The following CAPZA1 variants were observed in gnomAD, a reference collection of about 807,000 sequenced individuals.
CAPZA1 encodes the protein capping actin protein of muscle Z-line subunit alpha 1.
CAPZA1 carries 10 observed loss-of-function variants against 40.8 expected under a neutral mutation model. The observed-to-expected ratio is 0.25, with a 90% CI of 0.15 to 0.42. The LOEUF (loss-of-function observed/expected upper bound fraction) is 0.42, where lower values mean the gene tolerates loss of function less well. CAPZA1 is among the 10% of genes least tolerant of loss of function. The pLI is 1.00. For synonymous variants in CAPZA1, 98 were observed against 115.0 expected (o/e 0.85, Z 0.95); for missense variants, 277 against 353.8 (o/e 0.78, Z 1.74).
At chr1:112,643,119 G>C (rs549223421) in intron 1 of CAPZA1, among the ~76,000 whole-genome samples, 2 of 152,238 alleles carry the variant, frequency 1.3e-5, no homozygotes, top group East Asian at 3.9e-4. Flanking sequence ...ATTATTAAAA[G>C]TAGGATTACT....
chr1:112,660,280 C>T (rs965151873), intron 7 of CAPZA1, among the ~76,000 whole-genome samples: 27 of 151,486 alleles, frequency 1.8e-4, no homozygotes, highest in African/African-American at 6.1e-4. Flanking sequence ...GATTGATTGA[C>T]TGATTGATTG....
chr1:112,660,903 C>G lies in CAPZA1; in HGVS notation c.585+1124C>G, dbSNP rs555456544. Among the ~76,000 whole-genome samples, 4 of 142,830 alleles carry G rather than the reference C, an allele frequency of 2.8e-5. No homozygotes were observed. The East Asian group carries it at 8.3e-4, about 29-fold the overall frequency. 93.7% of individuals were successfully genotyped at this position (142,830 alleles called of 152,430 possible). The stretch of plus-strand genomic sequence containing the variant: ...GGAGGAGTCTCGCTCTGTCGCCCAG[C>G]CTGGAGTGCAGTGGTGCAATCTTGG... On this transcript the variant is annotated intron_variant, in intron 7 of 9. Coordinates refer to ENST00000263168, the MANE Select transcript of CAPZA1 (RefSeq NM_006135.3).
At chr1:112,656,923 A>T (rs1157560178) in intron 5 of CAPZA1, among the ~76,000 whole-genome samples, 18 of 142,980 alleles carry the variant, frequency 1.3e-4, no homozygotes, top group African/African-American at 4.5e-4. Flanking sequence ...TTTTTTTGAG[A>T]CAGAGTCTCA....
chr1:112,623,681 CA>C (rs1190278316), intron 1 of CAPZA1, among the ~76,000 whole-genome samples: 606 of 87,740 alleles, frequency 6.9e-3, no homozygotes, highest in African/African-American at 0.018. Context: ...AACTCCGTCT[CA>C]AAAAAAAAAA....
intron 7 of CAPZA1, among the ~76,000 whole-genome samples, chr1:112,665,417 T>C (rs12046466): frequency 0.51 from 77,376 of 151,746 alleles, 20,159 homozygotes; most frequent in South Asian, 0.65. Context: ...TGACCTCAAG[T>C]GATCCGCCCG....
chr1:112,646,561 C>G (rs1208480375), intron 1 of CAPZA1, among the ~76,000 whole-genome samples: 3 of 152,072 alleles, frequency 2.0e-5, no homozygotes, highest in African/African-American at 7.2e-5. Context: ...TGGACAACAG[C>G]CAAGACCCTA....
At chr1:112,660,653 C>T (rs939568833) in intron 7 of CAPZA1, among the ~76,000 whole-genome samples, 11 of 152,070 alleles carry the variant, frequency 7.2e-5, no homozygotes, top group African/African-American at 2.4e-4. Context: ...TCATTTGATG[C>T]CTGTCTGGAT....
rs139693956 is a variant in CAPZA1, at chr1:112,630,383, G to T, written c.39+10500G>T. ...TTTTGTTAGAGAGTCTCACTCTTTC[G>T]CCCAGGCTGGAGTGCAGTGGTGCCA... On this transcript the variant is annotated intron_variant, in intron 1 of 9. Coordinates refer to ENST00000263168, the MANE Select transcript of CAPZA1 (RefSeq NM_006135.3). 5.3e-4 allele frequency among the ~76,000 whole-genome samples: 80 copies of T among 150,986 alleles called. No individual in the cohort carries two copies. In the East Asian group the frequency reaches 0.015, roughly 29 times the overall value.
At chr1:112,663,488 C>T (rs1255088226) in intron 7 of CAPZA1, among the ~76,000 whole-genome samples, 1 of 151,874 alleles carries the variant, frequency 6.6e-6, no homozygotes, top group African/African-American at 2.4e-5. Context: ...TATCACCCTT[C>T]TTTTCCATTG....
At chr1:112,637,949 A>ACATTAGC (rs1671054092) in intron 1 of CAPZA1, among the ~76,000 whole-genome samples, 1 of 152,222 alleles carries the variant, frequency 6.6e-6, no homozygotes, top group African/African-American at 2.4e-5. Context: ...TCTGCCCTTT[A>ACATTAGC]CATTAGCAGT....
intron 4 of CAPZA1, 132 bp downstream of exon 4, chr1:112,653,793 C>T (rs902032943): frequency 3.5e-5 from 22 of 625,404 alleles, no homozygotes; most frequent in African/African-American, 3.4e-4. Flanking sequence ...GTGTACTGTA[C>T]GTGTTAGGAT....
intron 1 of CAPZA1, among the ~76,000 whole-genome samples, chr1:112,644,539 G>A (rs1481812610): frequency 3.3e-5 from 5 of 151,810 alleles, no homozygotes; most frequent in African/African-American, 9.7e-5. Flanking sequence ...TTTTTCTGCT[G>A]AAGAATAGTT....
chr1:112,666,250 C>T (rs1013220884), intron 7 of CAPZA1, among the ~76,000 whole-genome samples: 5 of 152,330 alleles, frequency 3.3e-5, no homozygotes, highest in African/African-American at 1.2e-4. Context: ...ACCAGTTATA[C>T]TCCATTCTGT....
At chr1:112,642,984 TAC>T (rs1671204627) in intron 1 of CAPZA1, among the ~76,000 whole-genome samples, 1 of 152,184 alleles carries the variant, frequency 6.6e-6, no homozygotes, top group African/African-American at 2.4e-5. Context: ...TTTTTTGGAT[TAC>T]ACACACTTGA....
chr1:112,639,810 A>C (rs1482758040), intron 1 of CAPZA1, among the ~76,000 whole-genome samples: 1 of 138,466 alleles, frequency 7.2e-6, no homozygotes, highest in Non-Finnish European at 1.6e-5. Context: ...GGCCGCCCCT[A>C]CTGGGAAGTG....
At position 112,667,164 on chromosome 1, in the gene CAPZA1, G is replaced by A; in HGVS notation, c.657+19G>A. ...TGTTTCGGTGAGTATGGAATATTTA[G>A]TGTCTGTCTTACTCATGTCTCGTTT... On this transcript the variant is annotated intron_variant, in intron 8 of 9. Transcript: ENST00000263168. 6.5e-7 allele frequency: 1 copy of A among 1,541,514 alleles called. No individual in the cohort carries two copies. Among genetic ancestry groups the A allele is most frequent in the Non-Finnish European group, 8.9e-7 (1 of 1,119,984 alleles).
chr1:112,652,496 A>G (rs1671412540), intron 3 of CAPZA1, among the ~76,000 whole-genome samples: 1 of 151,604 alleles, frequency 6.6e-6, no homozygotes, highest in African/African-American at 2.4e-5. Flanking sequence ...AAAAAAAAAA[A>G]GCTTTAAATA....
intron 1 of CAPZA1, among the ~76,000 whole-genome samples, chr1:112,633,904 A>T (rs922730881): frequency 2.6e-5 from 4 of 152,008 alleles, no homozygotes; most frequent in African/African-American, 9.7e-5. Context: ...GTCTGTTCAG[A>T]CCGTTTGCCC....
At chr1:112,659,558 A>G (rs1671560941) in intron 6 of CAPZA1, 143 bp from the exon 7 acceptor site, 3 of 657,888 alleles carry the variant, frequency 4.6e-6, no homozygotes, top group Non-Finnish European at 7.8e-6. Context: ...GGGTTTGCCA[A>G]ACTGGAAATG....
Sources: gnomAD v4.1 joint callset for allele counts (sites outside exome capture counted in the v4.1 genomes callset) on GRCh38, gnomAD v4.1.1 for gene constraint, MANE v1.5 for transcripts, NCBI Gene and HGNC (gene_info 2026-07-23, HGNC 2026-07-21) for gene names.